Variants in BCL2 observed in about 807,000 individuals in gnomAD.
BCL2 encodes the protein BCL2 apoptosis regulator, also known as apoptosis regulator Bcl-2.
Under a neutral mutation model 14.2 loss-of-function variants are expected in BCL2, and 1 was observed. The observed-to-expected ratio is 0.07, with a 90% CI of 0.02 to 0.33. The LOEUF (loss-of-function observed/expected upper bound fraction) is 0.33. Among genes scored for constraint, BCL2 ranks in the 10% least tolerant of loss-of-function variants. The pLI is 0.99. For missense variants in BCL2, 247 were observed against 305.9 expected, an observed-to-expected ratio of 0.81 and a Z score of 1.44; for synonymous variants, 151 against 137.2, an observed-to-expected ratio of 1.10 and a Z score of -0.70.
At position 63,319,765 on chromosome 18, in the gene BCL2, G is replaced by C. The variant is rs947784335; in HGVS notation, c.-878C>G. 9.8e-6 allele frequency: 2 copies of C among 204,802 alleles called. No homozygotes were observed. The highest frequency in any genetic ancestry group is 4.6e-5 in the African/African-American group (2 of 43,716). 12.7% of individuals were successfully genotyped at this position (204,802 alleles called of 1,614,324 possible). ...GCCCGCGCTGTGTGTGGTGCGGCGA[G>C]GGGTGGGGAGAAGGAGGTGGTGGGG... On this transcript the variant is annotated 5_prime_UTR_variant, in exon 1 of 3. Transcript: ENST00000333681.
At chr18:63,304,630 A>C (rs1314204253) in intron 2 of BCL2, among the ~76,000 whole-genome samples, 1 of 152,158 alleles carries the variant, frequency 6.6e-6, no homozygotes, top group African/African-American at 2.4e-5. Flanking sequence ...GGGCACATGT[A>C]CAGGTTTGTC....
rs190313761 is a variant in BCL2, at chr18:63,277,355, G to A, written c.585+40727C>T. ...GAGACATAAAAGGCACTTCTTGGCC[G>A]GGTGTGGCGGCTCATGTCTGTAATC... is the stretch of plus-strand genomic sequence containing the variant. On this transcript the variant is annotated intron_variant, in intron 2 of 2. Coordinates refer to ENST00000333681, the MANE Select transcript of BCL2 (RefSeq NM_000633.3). Among the ~76,000 whole-genome samples the A allele has an allele frequency of 3.7e-4, 57 of 152,220 alleles. No individual in the cohort carries two copies. The Middle Eastern group carries it at 0.01, about 27-fold the overall frequency.
At chr18:63,216,718 T>A (rs1372146334) in intron 2 of BCL2, among the ~76,000 whole-genome samples, 1 of 152,186 alleles carries the variant, frequency 6.6e-6, no homozygotes, top group Non-Finnish European at 1.5e-5. Flanking sequence ...AGAGCCTTCC[T>A]CTGCACAGGA....
chr18:63,236,813 G>A (rs576934862), intron 2 of BCL2, among the ~76,000 whole-genome samples: 85 of 152,312 alleles, frequency 5.6e-4, no homozygotes, highest in Admixed American at 2.0e-3. Flanking sequence ...GCTGCGTTTA[G>A]GGGCATTAGC....
intron 2 of BCL2, among the ~76,000 whole-genome samples, chr18:63,259,091 G>C (rs897353904): frequency 6.6e-6 from 1 of 151,996 alleles, no homozygotes. Context: ...GAGGATCTTC[G>C]CACTGTGGTG....
At chr18:63,282,832 A>G (rs35689542) in intron 2 of BCL2, among the ~76,000 whole-genome samples, 7 of 152,214 alleles carry the variant, frequency 4.6e-5, no homozygotes, top group African/African-American at 1.7e-4. Context: ...TGCAGGGTCC[A>G]TGTAAGCTAA....
chr18:63,311,570 G>A (rs1184962073), intron 2 of BCL2, among the ~76,000 whole-genome samples: 1 of 152,178 alleles, frequency 6.6e-6, no homozygotes, highest in Non-Finnish European at 1.5e-5. Context: ...GCAGAGTGGA[G>A]TCAGTCATCA....
At chr18:63,223,412 TA>T (rs1199871130) in intron 2 of BCL2, among the ~76,000 whole-genome samples, 8 of 86,780 alleles carry the variant, frequency 9.2e-5, no homozygotes, top group Admixed American at 1.3e-4. Flanking sequence ...AAAAAAAAAA[TA>T]AATAAAGAAG....
chr18:63,255,433 GACACGACTGTCT>G lies in BCL2; in HGVS notation c.585+62637_585+62648del, dbSNP rs1487477653. On this transcript the variant is annotated intron_variant, in intron 2 of 2. Coordinates refer to ENST00000333681, the MANE Select transcript of BCL2 (RefSeq NM_000633.3). ...TTATCCTTACAATGAAACCTTGAGGGACACGACTGTCTACACTTCTAATTGGAAAGCCGTATC... is the reference window on the plus strand; with the variant it reads ...TTATCCTTACAATGAAACCTTGAGGGACACTTCTAATTGGAAAGCCGTATC... 2.6e-5 allele frequency among the ~76,000 whole-genome samples: 4 copies of G among 152,216 alleles called. No individual in the cohort carries two copies. In the East Asian group the frequency reaches 5.8e-4, roughly 22 times the overall value.
chr18:63,152,894 A>G (rs1914685646), intron 2 of BCL2, among the ~76,000 whole-genome samples: 1 of 152,186 alleles, frequency 6.6e-6, no homozygotes, highest in African/African-American at 2.4e-5. Flanking sequence ...ACGTGAGTAT[A>G]CCCACATAAC....
chr18:63,227,196 G>A (rs767006866), intron 2 of BCL2, among the ~76,000 whole-genome samples: 4 of 152,178 alleles, frequency 2.6e-5, no homozygotes, highest in Non-Finnish European at 5.9e-5. Flanking sequence ...AGATATCTAT[G>A]TAAAATTCTA....
intron 2 of BCL2, among the ~76,000 whole-genome samples, chr18:63,140,220 A>C (rs909133044): frequency 3.3e-5 from 5 of 152,236 alleles, no homozygotes; most frequent in Non-Finnish European, 7.3e-5. Flanking sequence ...TGGTGCAGCC[A>C]TTGTGGGAAA....
At chr18:63,199,562 C>T (rs1160902886) in intron 2 of BCL2, among the ~76,000 whole-genome samples, 3 of 150,732 alleles carry the variant, frequency 2.0e-5, no homozygotes, top group Non-Finnish European at 4.4e-5. Flanking sequence ...CACACAGATA[C>T]CACACAACAC....
intron 2 of BCL2, among the ~76,000 whole-genome samples, chr18:63,213,967 G>C (rs1272851755): frequency 6.6e-6 from 1 of 152,150 alleles, no homozygotes; most frequent in Non-Finnish European, 1.5e-5. Flanking sequence ...CAAATAGAAA[G>C]CCTATCCACA....
chr18:63,213,459 A>G (rs750786578), intron 2 of BCL2, among the ~76,000 whole-genome samples: 9 of 152,056 alleles, frequency 5.9e-5, no homozygotes, highest in Non-Finnish European at 2.9e-5. Context: ...AAAGGAAGAA[A>G]AAAAGCAGTT....
At chr18:63,169,712 AG>A (rs1915178544) in intron 2 of BCL2, among the ~76,000 whole-genome samples, 1 of 151,644 alleles carries the variant, frequency 6.6e-6, no homozygotes. Flanking sequence ...TTAGTAGAGA[AG>A]GGGGTTTCAC....
chr18:63,293,262 C>T (rs1039121028), intron 2 of BCL2, among the ~76,000 whole-genome samples: 3 of 152,340 alleles, frequency 2.0e-5, no homozygotes, highest in Admixed American at 2.0e-4. Context: ...TCTCTAATTC[C>T]ACTGAACATC....
At chr18:63,291,004 A>G (rs576677392) in intron 2 of BCL2, among the ~76,000 whole-genome samples, 1 of 152,214 alleles carries the variant, frequency 6.6e-6, no homozygotes, top group East Asian at 1.9e-4. Flanking sequence ...GATAGGTCTC[A>G]AGAACAAACC....
intron 2 of BCL2, among the ~76,000 whole-genome samples, chr18:63,195,887 T>A (rs569961592): frequency 6.6e-6 from 1 of 152,330 alleles, no homozygotes; most frequent in East Asian, 1.9e-4. Context: ...AGACGACGTG[T>A]CTTAATTTTT....
Sources: gnomAD v4.1 joint callset for allele counts (sites outside exome capture counted in the v4.1 genomes callset) on GRCh38, gnomAD v4.1.1 for gene constraint, MANE v1.5 for transcripts, NCBI Gene and HGNC (gene_info 2026-07-23, HGNC 2026-07-21) for gene names.